Variants in SPOCK3 observed in about 807,000 individuals in gnomAD.
The protein encoded by SPOCK3 is SPARC (osteonectin), cwcv and kazal like domains proteoglycan 3.
A neutral mutation model predicts 56.6 loss-of-function variants in SPOCK3; 30 were observed. The observed-to-expected ratio is 0.53, with a 90% CI of 0.40 to 0.72. The LOEUF (loss-of-function observed/expected upper bound fraction) is 0.72. Among genes scored for constraint, SPOCK3 ranks in the 30% least tolerant of loss-of-function variants. The pLI, the probability that SPOCK3 is intolerant of heterozygous loss-of-function variation, is 0.00. For synonymous variants in SPOCK3, 196 were observed against 183.3 expected, an observed-to-expected ratio of 1.07 and a Z score of -0.56; for missense variants, 527 against 530.0, an observed-to-expected ratio of 0.99 and a Z score of 0.06.
At chr4:166,977,095 G>A (rs1746032113) in intron 4 of SPOCK3, among the ~76,000 whole-genome samples, 1 of 151,976 alleles carries the variant, frequency 6.6e-6, no homozygotes, top group Admixed American at 6.6e-5. Context: ...AGAGCATCTG[G>A]TGATTCTTCT....
At chr4:166,997,202 T>C (rs943132983) in intron 4 of SPOCK3, among the ~76,000 whole-genome samples, 1 of 151,994 alleles carries the variant, frequency 6.6e-6, no homozygotes, top group Non-Finnish European at 1.5e-5. Context: ...AAACAGATTA[T>C]GCATGCGGTG....
Position 166,847,115 on chromosome 4 carries a change from T to C in SPOCK3, c.589+42015A>G, listed in dbSNP as rs552647804. Among the ~76,000 whole-genome samples the C allele has an allele frequency of 1.9e-4, 29 of 152,228 alleles. No individual in the cohort carries two copies. In the South Asian group the frequency reaches 6.0e-3, roughly 32 times the overall value. ...AGAAAACAAAAATCAAGCATTCATT[T>C]ACATCAAAATGGAAGACTGATATGT... On this transcript the variant is annotated intron_variant, in intron 6 of 10. Transcript: ENST00000357545.
rs1408257962 is a variant in SPOCK3 at position 167,062,513 on chromosome 4, G to T, written c.214C>A (p.Pro72Thr). ...RDDDYFRTWS[P>T]GKPFDQALDP... ...TTACCCTGATCGAAGGGTTTTCCTG[G>T]ACTCCAAGTGCGGAAATAATCATCC... The change falls in exon 3 of 11, where the codon CCA becomes ACA. Residue 72 changes from proline to threonine, a missense_variant. Coordinates refer to ENST00000357545, the MANE Select transcript of SPOCK3 (RefSeq NM_001040159.2). 2.5e-6 allele frequency: 4 copies of T among 1,606,754 alleles called. No individual in the cohort carries two copies. Among genetic ancestry groups the T allele is most frequent in the East Asian group, 2.2e-5 (1 of 44,706 alleles).
At chr4:167,025,445 T>C (rs1751612889) in intron 3 of SPOCK3, among the ~76,000 whole-genome samples, 1 of 152,040 alleles carries the variant, frequency 6.6e-6, no homozygotes, top group Non-Finnish European at 1.5e-5. Flanking sequence ...GTGTGTACAA[T>C]GAGTTTCTGA....
At chr4:167,038,666 A>C (rs1301631206) in intron 3 of SPOCK3, among the ~76,000 whole-genome samples, 1 of 80,344 alleles carries the variant, frequency 1.2e-5, no homozygotes, top group Admixed American at 1.0e-4. Context: ...TTTTTTCCAA[A>C]AAAAAAAAAA....
At chr4:167,133,931 A>C (rs1561252050) in intron 2 of SPOCK3, among the ~76,000 whole-genome samples, 1 of 152,086 alleles carries the variant, frequency 6.6e-6, no homozygotes, top group Non-Finnish European at 1.5e-5. Flanking sequence ...AAATAAGCAC[A>C]GTCAACTACT....
At chr4:166,972,409 C>T (rs1288751070) in intron 4 of SPOCK3, among the ~76,000 whole-genome samples, 1 of 152,058 alleles carries the variant, frequency 6.6e-6, no homozygotes, top group East Asian at 1.9e-4. Flanking sequence ...GCAGCCTCAG[C>T]AGACTGTCTC....
At chr4:167,003,963 G>A (rs1579965909) in intron 3 of SPOCK3, among the ~76,000 whole-genome samples, 3 of 152,190 alleles carry the variant, frequency 2.0e-5, no homozygotes, top group Admixed American at 1.3e-4. Flanking sequence ...AAAGCCCTGG[G>A]CTTCATTCAC....
chr4:166,891,548 T>C (rs1283313552), intron 5 of SPOCK3, among the ~76,000 whole-genome samples: 1 of 151,986 alleles, frequency 6.6e-6, no homozygotes, highest in African/African-American at 2.4e-5. Context: ...TCAATGGTAT[T>C]GTTATTTTTC....
At chr4:166,927,382 T>C (rs1739233872) in intron 4 of SPOCK3, among the ~76,000 whole-genome samples, 1 of 152,152 alleles carries the variant, frequency 6.6e-6, no homozygotes, top group Non-Finnish European at 1.5e-5. Context: ...CTTTTGCTTC[T>C]CTCTCATTCT....
intron 4 of SPOCK3, among the ~76,000 whole-genome samples, chr4:166,913,839 T>C (rs1366292880): frequency 6.6e-6 from 1 of 152,174 alleles, no homozygotes. Context: ...AAATACGTTC[T>C]CTTTATTTCA....
At chr4:166,807,166 T>G (rs1353380206) in intron 6 of SPOCK3, among the ~76,000 whole-genome samples, 1 of 152,026 alleles carries the variant, frequency 6.6e-6, no homozygotes. Flanking sequence ...AGACCAAGAA[T>G]GTATACTTTG....
At position 166,842,406 on chromosome 4, in the gene SPOCK3, A is replaced by C. The variant is rs145177458; in HGVS notation, c.589+46724T>G. Among the ~76,000 whole-genome samples, 1,261 of 152,248 alleles carry C rather than the reference A, an allele frequency of 8.3e-3. 5 individuals are homozygous for C. Among genetic ancestry groups the C allele is most frequent in the Non-Finnish European group, 0.014 (962 of 68,014 alleles). ...GGTGCATTTACAATCCCTAAGCTAGACACAGAGTGCTGATTGGTGCATTTA... is the reference window on the plus strand; with the variant it reads ...GGTGCATTTACAATCCCTAAGCTAGCCACAGAGTGCTGATTGGTGCATTTA... On this transcript the variant is annotated intron_variant, in intron 6 of 10. Transcript: ENST00000357545.
chr4:166,794,453 G>A (rs1741689431), intron 6 of SPOCK3, among the ~76,000 whole-genome samples: 1 of 151,928 alleles, frequency 6.6e-6, no homozygotes, highest in South Asian at 2.1e-4. Flanking sequence ...CTGGATTAAT[G>A]GAAGAAAGTG....
intron 6 of SPOCK3, among the ~76,000 whole-genome samples, chr4:166,871,999 A>G (rs950443382): frequency 3.3e-5 from 5 of 151,222 alleles, no homozygotes; most frequent in African/African-American, 1.2e-4. Context: ...AACAAGGTAT[A>G]AAGAAAAACT....
chr4:167,073,341 T>A (rs145297078), intron 2 of SPOCK3, among the ~76,000 whole-genome samples: 1 of 151,940 alleles, frequency 6.6e-6, no homozygotes, highest in East Asian at 1.9e-4. Context: ...AATACAGTGC[T>A]GTTCAAAATT....
chr4:166,945,381 A>G (rs1209883387), intron 4 of SPOCK3, among the ~76,000 whole-genome samples: 2 of 152,198 alleles, frequency 1.3e-5, no homozygotes, highest in African/African-American at 4.8e-5. Context: ...ATTCTAATAT[A>G]ACACTTCAAG....
chr4:166,885,295 A>G (rs1734079700), intron 6 of SPOCK3, among the ~76,000 whole-genome samples: 1 of 151,140 alleles, frequency 6.6e-6, no homozygotes, highest in African/African-American at 2.4e-5. Flanking sequence ...CCAACTTCAA[A>G]CAAACAAACA....
At chr4:166,739,790 A>T (rs1734639091) in intron 9 of SPOCK3, among the ~76,000 whole-genome samples, 1 of 152,042 alleles carries the variant, frequency 6.6e-6, no homozygotes, top group Non-Finnish European at 1.5e-5. Flanking sequence ...GACAAAACTT[A>T]GTCTTGTAAC....
Sources: gnomAD v4.1 joint callset for allele counts (sites outside exome capture counted in the v4.1 genomes callset) on GRCh38, gnomAD v4.1.1 for gene constraint, MANE v1.5 for transcripts, NCBI Gene and HGNC (gene_info 2026-07-23, HGNC 2026-07-21) for gene names.